Variants in FDX1 observed in about 807,000 individuals in gnomAD.
FDX1 encodes adrenodoxin, mitochondrial.
FDX1 carries 9 observed loss-of-function variants against 14.9 expected under a neutral mutation model. The ratio of observed to expected loss-of-function variants is 0.60; its 90% confidence interval spans 0.36 to 1.05. The LOEUF (loss-of-function observed/expected upper bound fraction) is 1.05. Among genes scored for constraint, FDX1 ranks in the 50% least tolerant of loss-of-function variants. FDX1 has a pLI of 0.01. For missense variants in FDX1, 204 were observed against 237.2 expected (o/e 0.86, Z 0.92); for synonymous variants, 92 against 99.4 (o/e 0.93, Z 0.44).
At chr11:110,452,263 T>A (rs1220840226) in intron 2 of FDX1, among the ~76,000 whole-genome samples, 1 of 152,024 alleles carries the variant, frequency 6.6e-6, no homozygotes, top group Admixed American at 6.5e-5. Context: ...TTAAAAACTT[T>A]TGTTCTTCCA....
Position 110,463,068 on chromosome 11 carries a change from A to G in FDX1, c.*600A>G, listed in dbSNP as rs535743603. ...TATAAATAAATATTTCAAAATTTTGATTCGGAAGACTAAGTCTGGACGTAG... is the reference window on the plus strand; with the variant it reads ...TATAAATAAATATTTCAAAATTTTGGTTCGGAAGACTAAGTCTGGACGTAG... On this transcript the variant is annotated 3_prime_UTR_variant, in exon 4 of 4. Transcript: ENST00000260270. 1.3e-5 allele frequency: 2 copies of G among 152,392 alleles called. No homozygotes were observed. The highest frequency in any genetic ancestry group is 4.1e-4 in the South Asian group (2 of 4,836). 9.4% of individuals were successfully genotyped at this position (152,392 alleles called of 1,614,324 possible). A position where few individuals can be genotyped will look rare whatever the true frequency, so the allele number is the denominator to read the frequency against.
chr11:110,434,636 ATTTGC>A (rs1353411817), intron 1 of FDX1, among the ~76,000 whole-genome samples: 2 of 147,428 alleles, frequency 1.4e-5, no homozygotes, highest in Non-Finnish European at 3.0e-5. Context: ...CTCGGCCATG[ATTTGC>A]TTTTTAGAAG....
At chr11:110,460,598 C>T (rs1946550554) in intron 3 of FDX1, among the ~76,000 whole-genome samples, 1 of 152,226 alleles carries the variant, frequency 6.6e-6, no homozygotes, top group South Asian at 2.1e-4. Flanking sequence ...AGCCATTTGG[C>T]TTTCTCCCTC....
Position 110,430,020 on chromosome 11 carries a change from C to A in FDX1, c.-101C>A. 1 of 875,772 alleles carries A rather than the reference C, an allele frequency of 1.1e-6. No homozygotes were observed. The highest frequency in any genetic ancestry group is 1.5e-6 in the Non-Finnish European group (1 of 674,670). 54.3% of individuals were successfully genotyped at this position (875,772 alleles called of 1,614,324 possible). A position where few individuals can be genotyped will look rare whatever the true frequency, so the allele number is the denominator to read the frequency against. On this transcript the variant is annotated 5_prime_UTR_variant, in exon 1 of 4. Transcript: ENST00000260270. ...CAGCCCCGCGCCCCTCGCCGCGGCC[C>A]TCGGGCGTCTGCGCCGCAGCTGCCG...
At chr11:110,461,583 T>C (rs1309863492) in intron 3 of FDX1, among the ~76,000 whole-genome samples, 2 of 152,030 alleles carry the variant, frequency 1.3e-5, no homozygotes, top group Non-Finnish European at 2.9e-5. Flanking sequence ...TTAGTCATTC[T>C]TAAAATGACA....
intron 1 of FDX1, among the ~76,000 whole-genome samples, chr11:110,435,489 C>T (rs1021229696): frequency 3.3e-5 from 5 of 152,164 alleles, no homozygotes; most frequent in African/African-American, 1.2e-4. Flanking sequence ...GGTAGTAGAG[C>T]TTATTACCTG....
intron 2 of FDX1, among the ~76,000 whole-genome samples, chr11:110,438,290 T>G (rs764341647): frequency 6.6e-6 from 1 of 152,198 alleles, no homozygotes; most frequent in Non-Finnish European, 1.5e-5. Context: ...CTTGCCAACA[T>G]CTGTAATTTT....
At chr11:110,447,809 A>G (rs530008225) in intron 2 of FDX1, among the ~76,000 whole-genome samples, 2 of 152,296 alleles carry the variant, frequency 1.3e-5, no homozygotes, top group African/African-American at 4.8e-5. Flanking sequence ...TGTTACCCTG[A>G]ACCCATTATT....
intron 2 of FDX1, among the ~76,000 whole-genome samples, chr11:110,453,573 C>G (rs781385865): frequency 3.5e-4 from 52 of 146,628 alleles, no homozygotes; most frequent in Admixed American, 1.4e-4. Context: ...TTTTTTTCCT[C>G]CTAAATACCC....
At chr11:110,454,492 T>G (rs896553632) in intron 2 of FDX1, among the ~76,000 whole-genome samples, 1 of 152,212 alleles carries the variant, frequency 6.6e-6, no homozygotes, top group African/African-American at 2.4e-5. Flanking sequence ...TAATTATTAG[T>G]TGCCTACAGC....
chr11:110,441,583 A>G (rs1207335000), intron 2 of FDX1, among the ~76,000 whole-genome samples: 1 of 152,230 alleles, frequency 6.6e-6, no homozygotes, highest in Non-Finnish European at 1.5e-5. Flanking sequence ...AACTTAAGAG[A>G]TGATACTTAG....
intron 2 of FDX1, among the ~76,000 whole-genome samples, chr11:110,444,703 T>TGTGTATATATATATATAC (rs1946433730): frequency 8.9e-5 from 5 of 56,090 alleles, no homozygotes; most frequent in Non-Finnish European, 1.6e-4. Flanking sequence ...TATATATATA[T>TGTGTATATATATATATAC]ACGTATATAT....
At chr11:110,457,746 A>T (rs970994817) in intron 3 of FDX1, among the ~76,000 whole-genome samples, 2 of 111,440 alleles carry the variant, frequency 1.8e-5, no homozygotes, top group South Asian at 5.5e-4. Context: ...TTTAAAAATT[A>T]AAGATAGTAA....
chr11:110,437,654 T>G (rs961681467), intron 2 of FDX1, among the ~76,000 whole-genome samples: 2 of 152,212 alleles, frequency 1.3e-5, no homozygotes, highest in African/African-American at 4.8e-5. Context: ...ATTTTCCAAC[T>G]TTTATTTAGA....
rs973865778 is a variant in FDX1 at position 110,463,765 on chromosome 11, T to C, written c.*1297T>C. Reference sequence around the variant, plus strand: ...CCTTTTATTAGGAAAATATAAAATATGTATGTATGTGCAGATAATTTGCTT... The same window carrying C: ...CCTTTTATTAGGAAAATATAAAATACGTATGTATGTGCAGATAATTTGCTT... On this transcript the variant is annotated 3_prime_UTR_variant, in exon 4 of 4. Coordinates refer to ENST00000260270, the MANE Select transcript of FDX1 (RefSeq NM_004109.5). 2 of 152,218 alleles carry C rather than the reference T, an allele frequency of 1.3e-5. No individual in the cohort carries two copies. The highest frequency in any genetic ancestry group is 1.5e-5 in the Non-Finnish European group (1 of 68,040). The allele number at this position is 152,218 out of a possible 1,614,324, so 9.4% of individuals were successfully genotyped here. A position where few individuals can be genotyped will look rare whatever the true frequency, so the allele number is the denominator to read the frequency against.
Position 110,462,592 on chromosome 11 carries a change from T to C in FDX1, c.*124T>C, listed in dbSNP as rs978672567. 3 of 458,574 alleles carry C rather than the reference T, an allele frequency of 6.5e-6. No homozygotes were observed. The highest frequency in any genetic ancestry group is 1.1e-5 in the Non-Finnish European group (3 of 262,862). 28.4% of individuals were successfully genotyped at this position (458,574 alleles called of 1,614,324 possible). On this transcript the variant is annotated 3_prime_UTR_variant, in exon 4 of 4. Transcript: ENST00000260270. ...ATTATGACTAGCTTTACTATTTTAA[T>C]TCACCTTGCATAACTACTGAATTTT...
chr11:110,444,678 A>G lies in FDX1; in HGVS notation c.310+8720A>G, dbSNP rs1170458195. Among the ~76,000 whole-genome samples, 721 of 80,708 alleles carry G rather than the reference A, an allele frequency of 8.9e-3. 54 individuals carry two copies. Among genetic ancestry groups the G allele is most frequent in the African/African-American group, 0.039 (667 of 17,170 alleles). 52.9% of individuals were successfully genotyped at this position (80,708 alleles called of 152,430 possible). ...TATATATATATACGTATATATATATATATATACACGTATATATATATATAT... is the reference window on the plus strand; with the variant it reads ...TATATATATATACGTATATATATATGTATATACACGTATATATATATATAT... On this transcript the variant is annotated intron_variant, in intron 2 of 3. Transcript: ENST00000260270.
intron 2 of FDX1, among the ~76,000 whole-genome samples, chr11:110,444,739 T>TAC (rs1411297353): frequency 1.6e-4 from 8 of 51,188 alleles, no homozygotes; most frequent in African/African-American, 7.6e-4. Context: ...TATATATATA[T>TAC]ATATACACGT....
chr11:110,444,611 C>T (rs1219345178), intron 2 of FDX1, among the ~76,000 whole-genome samples: 6 of 138,656 alleles, frequency 4.3e-5, no homozygotes, highest in African/African-American at 1.6e-4. Flanking sequence ...GCAAGACTGT[C>T]TCAAAAAAAA....
Sources: gnomAD v4.1 joint callset for allele counts (sites outside exome capture counted in the v4.1 genomes callset) on GRCh38, gnomAD v4.1.1 for gene constraint, MANE v1.5 for transcripts, NCBI Gene and HGNC (gene_info 2026-07-23, HGNC 2026-07-21) for gene names.